Variants in MAP4K4 observed in about 807,000 individuals in gnomAD.
The protein encoded by MAP4K4 is mitogen-activated protein kinase kinase kinase kinase 4.
A neutral mutation model predicts 189.6 loss-of-function variants in MAP4K4; 38 were observed. The observed-to-expected ratio is 0.20, with a 90% CI of 0.15 to 0.26. The LOEUF (loss-of-function observed/expected upper bound fraction) is 0.26. MAP4K4 is among the 10% of genes least tolerant of loss of function. The probability of loss-of-function intolerance (pLI) is 1.00; values close to 1 mark genes in which losing one functional copy is unlikely to be tolerated. For missense variants in MAP4K4, 1,054 were observed against 1,726.9 expected, an observed-to-expected ratio of 0.61 and a Z score of 6.91; for synonymous variants, 610 against 624.3, an observed-to-expected ratio of 0.98 and a Z score of 0.34.
intron 2 of MAP4K4, among the ~76,000 whole-genome samples, chr2:101,718,873 G>T (rs529601429): frequency 1.3e-5 from 2 of 152,278 alleles, no homozygotes; most frequent in East Asian, 3.9e-4. Flanking sequence ...CAATAGTAAG[G>T]AGTAGTAGGG....
chr2:101,813,897 A>G (rs1576076906), intron 3 of MAP4K4, among the ~76,000 whole-genome samples: 1 of 152,282 alleles, frequency 6.6e-6, no homozygotes, highest in Middle Eastern at 3.4e-3. Context: ...TAGTTTTTCC[A>G]TTGGGACTTT....
chr2:101,711,371 C>T (rs1311492824), intron 2 of MAP4K4, among the ~76,000 whole-genome samples: 1 of 152,058 alleles, frequency 6.6e-6, no homozygotes, highest in Non-Finnish European at 1.5e-5. Context: ...TCTCCTGCCT[C>T]AGCCTGTCAT....
chr2:101,846,202 T>C (rs2097104461), intron 12 of MAP4K4, among the ~76,000 whole-genome samples: 1 of 152,238 alleles, frequency 6.6e-6, no homozygotes, highest in African/African-American at 2.4e-5. Flanking sequence ...GGTATTTTTG[T>C]TAAGACTCTT....
chr2:101,828,630 C>T (rs746463422), intron 5 of MAP4K4, among the ~76,000 whole-genome samples: 6 of 152,102 alleles, frequency 3.9e-5, no homozygotes, highest in Non-Finnish European at 8.8e-5. Flanking sequence ...AATAAAACCC[C>T]ATGAAAAAAG....
rs556239467 is a variant in MAP4K4 at position 101,799,559 on chromosome 2, T to G, written c.180+8783T>G. On this transcript the variant is annotated intron_variant, in intron 3 of 32. Transcript: ENST00000324219. ...AACTACCTTTGCCCTGTGAACTGTC[T>G]TCTTCTGCTGTATATGTGTGTGGGT... 8.5e-5 allele frequency among the ~76,000 whole-genome samples: 13 copies of G among 152,114 alleles called. No individual in the cohort carries two copies. The South Asian group carries it at 2.7e-3, about 32-fold the overall frequency.
chr2:101,882,719 A>G, intron 28 of MAP4K4, 34 bp downstream of exon 28: 2 of 1,489,306 alleles, frequency 1.3e-6, no homozygotes, highest in Non-Finnish European at 1.8e-6. Flanking sequence ...TTGTTTTTCC[A>G]GAGTTTGATT....
chr2:101,752,542 C>T (rs771302672), intron 2 of MAP4K4, among the ~76,000 whole-genome samples: 3 of 152,028 alleles, frequency 2.0e-5, no homozygotes, highest in Non-Finnish European at 4.4e-5. Flanking sequence ...ACCCTGTGTA[C>T]CAGAAGTCAC....
chr2:101,862,413 G>A (rs1464628853), intron 16 of MAP4K4, among the ~76,000 whole-genome samples: 2 of 151,950 alleles, frequency 1.3e-5, no homozygotes, highest in African/African-American at 2.4e-5. Flanking sequence ...GCAGGAGAGG[G>A]TAACTGGACA....
In MAP4K4 at chr2:101,711,496, C is replaced by T. The variant is rs551932097; in HGVS notation, c.123+12958C>T. On this transcript the variant is annotated intron_variant, in intron 2 of 32. Coordinates refer to ENST00000324219, the Ensembl canonical transcript of MAP4K4. The stretch of plus-strand genomic sequence containing the variant: ...TCTCCAAATCCTGACCTCAAGTGAT[C>T]TACCTGCCTTGGCCTCCCAAAGTGC... 2.7e-3 allele frequency among the ~76,000 whole-genome samples: 417 copies of T among 152,232 alleles called. 2 individuals carry two copies. Among genetic ancestry groups the T allele is most frequent in the Non-Finnish European group, 4.6e-3 (310 of 68,004 alleles).
At chr2:101,883,560 C>T (rs745456328) in intron 28 of MAP4K4, among the ~76,000 whole-genome samples, 9 of 151,946 alleles carry the variant, frequency 5.9e-5, no homozygotes, top group Non-Finnish European at 8.8e-5. Context: ...GTTAGACATA[C>T]GGGAGAAATA....
At chr2:101,718,474 C>T (rs1248662903) in intron 2 of MAP4K4, among the ~76,000 whole-genome samples, 1 of 150,626 alleles carries the variant, frequency 6.6e-6, no homozygotes, top group Non-Finnish European at 1.5e-5. Flanking sequence ...ATTTGTTTCC[C>T]AGGGTTTCGA....
At chr2:101,706,344 C>T (rs757865241) in intron 2 of MAP4K4, among the ~76,000 whole-genome samples, 6 of 152,180 alleles carry the variant, frequency 3.9e-5, no homozygotes, top group Admixed American at 1.3e-4. Context: ...CTTAAGTGGG[C>T]ATACCATAAT....
chr2:101,826,224 A>G (rs1384876564), intron 5 of MAP4K4, among the ~76,000 whole-genome samples: 1 of 152,228 alleles, frequency 6.6e-6, no homozygotes, highest in African/African-American at 2.4e-5. Context: ...CACTAATAAA[A>G]AAACTTAAAG....
In MAP4K4 at chr2:101,817,075, T is replaced by C. The variant is rs144811334; in HGVS notation, c.181-6853T>C. ...AAATTGGGCTATAATCTAGAGGTAA[T>C]ATTTGGTAGCATTTCTCCCCTCCTC... On this transcript the variant is annotated intron_variant, in intron 3 of 32. Coordinates refer to ENST00000324219, the Ensembl canonical transcript of MAP4K4. 3.0e-3 allele frequency among the ~76,000 whole-genome samples: 463 copies of C among 151,976 alleles called. 2 individuals carry two copies. The highest frequency in any genetic ancestry group is 0.013 in the South Asian group (63 of 4,812).
intron 2 of MAP4K4, among the ~76,000 whole-genome samples, chr2:101,765,423 G>A (rs1173043908): frequency 6.6e-6 from 1 of 152,072 alleles, no homozygotes; most frequent in East Asian, 1.9e-4. Context: ...ACCATCTCCC[G>A]GGCTCAGGTG....
chr2:101,701,618 G>A (rs2038831329), intron 2 of MAP4K4, among the ~76,000 whole-genome samples: 1 of 152,134 alleles, frequency 6.6e-6, no homozygotes, highest in African/African-American at 2.4e-5. Flanking sequence ...TGAACAGTAT[G>A]TAACTTCATC....
At chr2:101,774,771 T>G (rs1336903902) in intron 2 of MAP4K4, among the ~76,000 whole-genome samples, 2 of 152,174 alleles carry the variant, frequency 1.3e-5, no homozygotes, top group African/African-American at 2.4e-5. Flanking sequence ...TGCAGAACAG[T>G]CTCATCACCC....
chr2:101,764,500 A>G (rs905935894), intron 2 of MAP4K4, among the ~76,000 whole-genome samples: 1 of 152,244 alleles, frequency 6.6e-6, no homozygotes, highest in Non-Finnish European at 1.5e-5. Flanking sequence ...GTGTGAATAT[A>G]TTAATATGTG....
chr2:101,776,781 G>C (rs1205460230), intron 2 of MAP4K4, among the ~76,000 whole-genome samples: 1 of 152,048 alleles, frequency 6.6e-6, no homozygotes, highest in Admixed American at 6.5e-5. Flanking sequence ...AGGACACACA[G>C]AGGCTATTTT....
Sources: gnomAD v4.1 joint callset for allele counts (sites outside exome capture counted in the v4.1 genomes callset) on GRCh38, gnomAD v4.1.1 for gene constraint, MANE v1.5 for transcripts, NCBI Gene and HGNC (gene_info 2026-07-23, HGNC 2026-07-21) for gene names.